Variants in LINC01488 observed in about 807,000 individuals in gnomAD.
LINC01488 encodes long independently transcribed non-coding RNA 1488.
chr11:69,488,826 G>C (rs1434719299), intron 1 of LINC01488, among the ~76,000 whole-genome samples: 1 of 152,158 alleles, frequency 6.6e-6, no homozygotes, highest in Non-Finnish European at 1.5e-5. Flanking sequence ...AGTGCCGGGG[G>C]CACCACCAAG....
intron 1 of LINC01488, among the ~76,000 whole-genome samples, chr11:69,484,928 T>C (rs1857089657): frequency 6.6e-6 from 1 of 152,234 alleles, no homozygotes; most frequent in Admixed American, 6.5e-5. Context: ...TTCTAGTGCA[T>C]GTGATTTACA....
At chr11:69,482,294 C>T (rs866814202) in intron 1 of LINC01488, among the ~76,000 whole-genome samples, 7 of 152,168 alleles carry the variant, frequency 4.6e-5, no homozygotes, top group Admixed American at 3.9e-4. Flanking sequence ...GGGTAAACCG[C>T]CCCCATGATT....
chr11:69,483,628 G>GT (rs1857069006), intron 1 of LINC01488, among the ~76,000 whole-genome samples: 1 of 152,198 alleles, frequency 6.6e-6, no homozygotes, highest in South Asian at 2.1e-4. Flanking sequence ...GGAAGAGGCT[G>GT]CTGTGGTCAG....
chr11:69,491,501 G>A (rs1857219090), intron 3 of LINC01488: 2 of 152,316 alleles, frequency 1.3e-5, no homozygotes, highest in African/African-American at 4.8e-5. Flanking sequence ...GTTAGCCTAT[G>A]GGAAGCTGTG....
In LINC01488 at chr11:69,483,970, G is replaced by A. The variant is rs569703279; in HGVS notation, n.122+2187G>A. Among the ~76,000 whole-genome samples, 20 of 152,356 alleles carry A rather than the reference G, an allele frequency of 1.3e-4. 1 individual carries two copies. In the South Asian group the frequency reaches 4.1e-3, roughly 32 times the overall value. On this transcript the variant is annotated intron_variant and non_coding_transcript_variant, in intron 1 of 3. Coordinates refer to ENST00000644563, the Ensembl canonical transcript of LINC01488. ...CGAGCCAAGGGCCCCGCAGGGGCAGGCGGGCTGGGGCTCTGGGTGATGCCC... is the reference window on the plus strand; with the variant it reads ...CGAGCCAAGGGCCCCGCAGGGGCAGACGGGCTGGGGCTCTGGGTGATGCCC...
chr11:69,487,659 C>T (rs1258480579), intron 1 of LINC01488, among the ~76,000 whole-genome samples: 1 of 152,150 alleles, frequency 6.6e-6, no homozygotes, highest in Non-Finnish European at 1.5e-5. Flanking sequence ...TTAAGGGGAC[C>T]AGTGTGGCAC....
chr11:69,484,077 C>T (rs1028080800), intron 1 of LINC01488, among the ~76,000 whole-genome samples: 1 of 152,222 alleles, frequency 6.6e-6, no homozygotes. Context: ...GGAACTAGGG[C>T]CCTAGGTACC....
chr11:69,489,635 C>T (rs780021623), intron 1 of LINC01488, among the ~76,000 whole-genome samples: 3 of 152,268 alleles, frequency 2.0e-5, no homozygotes, highest in Admixed American at 6.5e-5. Flanking sequence ...GCACCGGTAG[C>T]GGGTGCTCCA....
In LINC01488 at chr11:69,490,303, G is replaced by A. The variant is rs74624722; in HGVS notation, n.123-192G>A. Among the ~76,000 whole-genome samples the A allele has an allele frequency of 6.2e-4, 95 of 152,362 alleles. 1 individual carries two copies. In the East Asian group the frequency reaches 0.017, roughly 27 times the overall value. On this transcript the variant is annotated intron_variant and non_coding_transcript_variant, in intron 1 of 3. Transcript: ENST00000644563. ...CGGTAAGGCTGGCAGGACTGCGGAG[G>A]CGTGGGATCTGGGGCGTACACAGCC...
At chr11:69,482,534 GGAT>G (rs1857058875) in intron 1 of LINC01488, among the ~76,000 whole-genome samples, 4 of 152,106 alleles carry the variant, frequency 2.6e-5, no homozygotes, top group Admixed American at 2.0e-4. Context: ...ATGAATGGAT[GGAT>G]GATGAGTGGA....
chr11:69,488,302 G>A (rs924739406), intron 1 of LINC01488: 1 of 152,356 alleles, frequency 6.6e-6, no homozygotes, highest in Non-Finnish European at 1.5e-5. Context: ...TGGACCCCTG[G>A]ACCAGGGTAA....
intron 1 of LINC01488, among the ~76,000 whole-genome samples, chr11:69,484,174 G>C (rs680817): frequency 6.6e-6 from 1 of 152,140 alleles, no homozygotes; most frequent in Admixed American, 6.5e-5. Context: ...CTGCAGCTTC[G>C]AGATAGAGAG....
intron 1 of LINC01488, among the ~76,000 whole-genome samples, chr11:69,489,967 T>G (rs1018863302): frequency 6.6e-6 from 1 of 152,136 alleles, no homozygotes; most frequent in Admixed American, 6.5e-5. Context: ...CAGGACCTCA[T>G]GCACCTGAGT....
chr11:69,486,881 G>C (rs906648506), intron 1 of LINC01488, among the ~76,000 whole-genome samples: 1 of 152,208 alleles, frequency 6.6e-6, no homozygotes, highest in Admixed American at 6.5e-5. Context: ...ACTGGATCCA[G>C]GCAGACAGGG....
chr11:69,490,389 G>C (rs576290948), intron 1 of LINC01488: 2 of 152,284 alleles, frequency 1.3e-5, no homozygotes, highest in African/African-American at 4.8e-5. Context: ...GAGTGACAGG[G>C]ACCGCCTTTC....
chr11:69,486,208 G>A (rs902840765), intron 1 of LINC01488: 4 of 152,282 alleles, frequency 2.6e-5, no homozygotes, highest in Admixed American at 6.5e-5. Flanking sequence ...GGTCTGCACT[G>A]TCACTAGCAT....
chr11:69,483,543 T>A (rs951155464), intron 1 of LINC01488, among the ~76,000 whole-genome samples: 40 of 152,124 alleles, frequency 2.6e-4, no homozygotes, highest in African/African-American at 9.4e-4. Flanking sequence ...ACCATCTCCA[T>A]GGGTAGGCTG....
At chr11:69,483,872 C>G (rs1361312192) in intron 1 of LINC01488, among the ~76,000 whole-genome samples, 1 of 152,188 alleles carries the variant, frequency 6.6e-6, no homozygotes, top group Admixed American at 6.5e-5. Context: ...GCGGGTGCCT[C>G]CCGGTGGGCT....
rs145341070 is a variant in LINC01488 at position 69,490,144 on chromosome 11, G to A, written n.123-351G>A. 5.9e-3 allele frequency among the ~76,000 whole-genome samples: 900 copies of A among 152,308 alleles called. 4 individuals are homozygous for A. Among genetic ancestry groups the A allele is most frequent in the Non-Finnish European group, 0.011 (715 of 68,014 alleles). On this transcript the variant is annotated intron_variant and non_coding_transcript_variant, in intron 1 of 3. Transcript: ENST00000644563. ...CTCACACATGCTCCTTGGAGATTTG[G>A]TCCAGGCCCCAGGGTTGGAGTGAAG...
Sources: allele counts gnomAD v4.1 joint callset (sites outside exome capture counted in the v4.1 genomes callset), GRCh38; gene constraint gnomAD v4.1.1; transcripts MANE v1.5; gene names NCBI Gene and HGNC (gene_info 2026-07-23, HGNC 2026-07-21).